The following GRM8 variants were observed in gnomAD, a reference collection of about 807,000 sequenced individuals.
GRM8 encodes metabotropic glutamate receptor 8.
GRM8 carries 47 observed loss-of-function variants against 87.2 expected under a neutral mutation model. That is an observed-to-expected ratio of 0.54 (90% CI 0.43 to 0.69). The LOEUF (loss-of-function observed/expected upper bound fraction) is 0.69, where lower values mean the gene tolerates loss of function less well. GRM8 is among the 30% of genes least tolerant of loss of function. The probability of loss-of-function intolerance (pLI) is 0.00; values close to 1 mark genes in which losing one functional copy is unlikely to be tolerated. For synonymous variants in GRM8, 396 were observed against 404.5 expected (o/e 0.98, Z 0.25); for missense variants, 1,019 against 1,139.2 (o/e 0.89, Z 1.52).
chr7:127,115,639 C>T (rs1328039648), intron 2 of GRM8, among the ~76,000 whole-genome samples: 1 of 152,022 alleles, frequency 6.6e-6, no homozygotes, highest in African/African-American at 2.4e-5. Flanking sequence ...AATTTTACCC[C>T]ATAAGATTAA....
chr7:127,035,808 T>C (rs1230557478), intron 3 of GRM8, among the ~76,000 whole-genome samples: 1 of 152,126 alleles, frequency 6.6e-6, no homozygotes, highest in Non-Finnish European at 1.5e-5. Flanking sequence ...CCACACAGGC[T>C]CCCATCCCCA....
chr7:126,994,156 T>A (rs17869591), intron 3 of GRM8, among the ~76,000 whole-genome samples: 31 of 152,152 alleles, frequency 2.0e-4, no homozygotes, highest in African/African-American at 7.2e-4. Context: ...TAAACCAACA[T>A]AGGGTAGATC....
chr7:126,608,162 C>A (rs1288081968), intron 8 of GRM8, among the ~76,000 whole-genome samples: 3 of 148,662 alleles, frequency 2.0e-5, no homozygotes, highest in Non-Finnish European at 4.5e-5. Context: ...CAGCCCTGTG[C>A]ACTGATTTCC....
chr7:126,563,836 CTTCCTGATGCAT>C (rs1247977945), intron 8 of GRM8, among the ~76,000 whole-genome samples: 1 of 152,238 alleles, frequency 6.6e-6, no homozygotes, highest in East Asian at 1.9e-4. Flanking sequence ...TATTTTAGAA[CTTCCTGATGCAT>C]GAAATTTATT....
At chr7:126,759,186 A>T (rs11761926) in intron 7 of GRM8, among the ~76,000 whole-genome samples, 57,719 of 151,880 alleles carry the variant, frequency 0.38, 12,429 homozygotes, top group Non-Finnish European at 0.48. Flanking sequence ...CATAAGCCAC[A>T]GCGCCCAGCC....
chr7:126,973,093 A>C (rs998794221), intron 3 of GRM8, among the ~76,000 whole-genome samples: 3 of 152,208 alleles, frequency 2.0e-5, no homozygotes, highest in African/African-American at 7.2e-5. Flanking sequence ...ATGCTGTACA[A>C]CAGTGGTCTT....
At chr7:126,475,856 G>A (rs377045784) in intron 9 of GRM8, among the ~76,000 whole-genome samples, 2 of 152,086 alleles carry the variant, frequency 1.3e-5, no homozygotes, top group East Asian at 1.9e-4. Flanking sequence ...CCAAAAATAT[G>A]CAATGGGGAA....
intron 3 of GRM8, among the ~76,000 whole-genome samples, chr7:127,007,070 A>G (rs1486483146): frequency 6.6e-6 from 1 of 151,916 alleles, no homozygotes; most frequent in East Asian, 1.9e-4. Flanking sequence ...CTAAAATTCT[A>G]CGTTGGAGAG....
chr7:127,130,521 T>C (rs1052114097), intron 2 of GRM8, among the ~76,000 whole-genome samples: 1 of 152,192 alleles, frequency 6.6e-6, no homozygotes, highest in African/African-American at 2.4e-5. Flanking sequence ...TGTTATGCTT[T>C]TGAAAAGAGA....
intron 7 of GRM8, among the ~76,000 whole-genome samples, chr7:126,689,420 T>C (rs1301880027): frequency 6.6e-6 from 1 of 152,218 alleles, no homozygotes; most frequent in Non-Finnish European, 1.5e-5. Flanking sequence ...ATTTAAAATG[T>C]TTTAGCACTG....
intron 6 of GRM8, among the ~76,000 whole-genome samples, chr7:126,895,475 A>G (rs1280851627): frequency 6.6e-6 from 1 of 152,114 alleles, no homozygotes; most frequent in South Asian, 2.1e-4. Context: ...CAAAATCTGC[A>G]TGTTAACAAG....
chr7:127,006,777 AC>A (rs1456246440), intron 3 of GRM8, among the ~76,000 whole-genome samples: 3 of 151,814 alleles, frequency 2.0e-5, no homozygotes, highest in East Asian at 3.9e-4. Flanking sequence ...TCTTCTTTAT[AC>A]TTAGTTCTCA....
At chr7:126,841,868 G>A (rs1486812040) in intron 6 of GRM8, among the ~76,000 whole-genome samples, 2 of 151,834 alleles carry the variant, frequency 1.3e-5, no homozygotes, top group East Asian at 3.9e-4. Flanking sequence ...TCCTGACCTC[G>A]TTATCTGCCC....
At chr7:127,235,119 T>A (rs1019410242) in intron 2 of GRM8, among the ~76,000 whole-genome samples, 1 of 152,194 alleles carries the variant, frequency 6.6e-6, no homozygotes, top group African/African-American at 2.4e-5. Context: ...TGGAAAGACT[T>A]CTCACTACTT....
intron 3 of GRM8, among the ~76,000 whole-genome samples, chr7:126,966,377 C>A (rs1809863930): frequency 6.6e-6 from 1 of 152,088 alleles, no homozygotes; most frequent in Admixed American, 6.5e-5. Flanking sequence ...TCAAGTGATC[C>A]GCCTGCCTCA....
At chr7:126,488,183 A>G (rs969975845) in intron 9 of GRM8, among the ~76,000 whole-genome samples, 4 of 151,960 alleles carry the variant, frequency 2.6e-5, no homozygotes, top group Admixed American at 2.6e-4. Flanking sequence ...AGAAAAAAAA[A>G]CAAAAAACAG....
intron 7 of GRM8, among the ~76,000 whole-genome samples, chr7:126,662,949 G>T (rs1805363603): frequency 6.6e-6 from 1 of 152,182 alleles, no homozygotes; most frequent in South Asian, 2.1e-4. Context: ...GACAGACAGG[G>T]ATATTGTAAA....
chr7:126,744,327 T>TA (rs1380745958), intron 7 of GRM8, among the ~76,000 whole-genome samples: 3 of 152,044 alleles, frequency 2.0e-5, no homozygotes, highest in Non-Finnish European at 4.4e-5. Flanking sequence ...TGAATAAACT[T>TA]AAACTATTAG....
intron 9 of GRM8, among the ~76,000 whole-genome samples, chr7:126,482,225 T>C (rs1806772022): frequency 6.6e-6 from 1 of 152,054 alleles, no homozygotes; most frequent in Non-Finnish European, 1.5e-5. Context: ...GTAACGTTGC[T>C]TTGGAAAACA....
Sources: allele counts gnomAD v4.1 joint callset (sites outside exome capture counted in the v4.1 genomes callset), GRCh38; gene constraint gnomAD v4.1.1; transcripts MANE v1.5; gene names NCBI Gene and HGNC (gene_info 2026-07-23, HGNC 2026-07-21).